Variants in HERC1 observed in about 807,000 individuals in gnomAD.
The protein encoded by HERC1 is HECT and RLD domain containing E3 ubiquitin protein ligase family member 1.
HERC1 carries 160 observed loss-of-function variants against 554.3 expected under a neutral mutation model. The ratio of observed to expected loss-of-function variants is 0.29; its 90% confidence interval spans 0.25 to 0.33. The LOEUF is 0.33. Among genes scored for constraint, HERC1 ranks in the 10% least tolerant of loss-of-function variants. The pLI, the probability that HERC1 is intolerant of heterozygous loss-of-function variation, is 1.00. For missense variants in HERC1, 4,919 were observed against 5,918.5 expected (o/e 0.83, Z 5.54); for synonymous variants, 2,175 against 2,131.7 (o/e 1.02, Z -0.56).
Position 63,775,200 on chromosome 15 carries a change from C to G in HERC1, c.424G>C (p.Asp142His). The G allele has an allele frequency of 1.2e-6, 2 of 1,614,050 alleles. No homozygotes were observed. The highest frequency in any genetic ancestry group is 1.7e-6 in the Non-Finnish European group (2 of 1,179,892). The part of the protein sequence containing the change: ...HSPESSSGSA[D>H]VHSVSERPRS... ...GGGCGTTCACTAACAGAATGGACAT[C>G]TGCTGAACCAGAACTGCTCTCCGGA... Residue 142 changes from aspartate (D) to histidine (H), a missense_variant, in exon 2 of 78, where the codon GAT becomes CAT. Coordinates refer to ENST00000443617, the MANE Select transcript of HERC1 (RefSeq NM_003922.4). The surrounding 1 kb of genome is among the most constrained non-coding windows in gnomAD (Gnocchi z 4.0).
chr15:63,821,890 A>G lies in HERC1; in HGVS notation c.-27+11937T>C, dbSNP rs1027386278. Among the ~76,000 whole-genome samples the G allele has an allele frequency of 2.0e-5, 3 of 152,162 alleles. 1 individual carries two copies. The South Asian group carries it at 6.2e-4, about 32-fold the overall frequency. Reference sequence around the variant, plus strand: ...AGGTTCCTGCTTTCATGGAGTTTACATTCTAGTAAGGAAGACAAATAATAA... The same window carrying G: ...AGGTTCCTGCTTTCATGGAGTTTACGTTCTAGTAAGGAAGACAAATAATAA... On this transcript the variant is annotated intron_variant, in intron 1 of 77. Coordinates refer to ENST00000443617, the MANE Select transcript of HERC1 (RefSeq NM_003922.4).
chr15:63,616,487 A>G lies in HERC1; in HGVS notation c.13884T>C (p.Thr4628=), dbSNP rs986417837. 6.2e-6 allele frequency: 10 copies of G among 1,613,954 alleles called. No individual in the cohort carries two copies. Among genetic ancestry groups the G allele is most frequent in the Non-Finnish European group, 8.5e-6 (10 of 1,179,842 alleles). The change falls in exon 75 of 78, where the codon ACT becomes ACC. Residue 4628 remains threonine, a synonymous_variant. Transcript: ENST00000443617. ...LEEVDLLYVQ[T]LNSILHIEDS... ...CTTCAATGTGAAGAATGCTGTTGAG[A>G]GTCTGCACGTAGAGCAGATCCACCT...
intron 48 of HERC1, 124 bp from the exon 49 acceptor site, chr15:63,656,482 A>C: frequency 1.2e-6 from 1 of 845,254 alleles, no homozygotes; most frequent in Non-Finnish European, 1.8e-6. Context: ...CACTATCATT[A>C]GCCATACATG....
Position 63,692,408 on chromosome 15 carries a change from T to C in HERC1, c.5830+3A>G. 6.3e-7 allele frequency: 1 copy of C among 1,596,930 alleles called. No homozygotes were observed. The highest frequency in any genetic ancestry group is 8.5e-7 in the Non-Finnish European group (1 of 1,174,736). ...CTCTAAGACAAAGGCAAAGGACATG[T>C]ACCTGAAGAACATTTCTGAGATGCT... On this transcript the variant is annotated splice_donor_region_variant and intron_variant, in intron 31 of 77. Transcript: ENST00000443617. The surrounding 1 kb of genome is among the most constrained non-coding windows in gnomAD (Gnocchi z 4.7).
chr15:63,783,563 C>T (rs571081988), intron 1 of HERC1, among the ~76,000 whole-genome samples: 9 of 152,090 alleles, frequency 5.9e-5, no homozygotes, highest in Non-Finnish European at 1.0e-4. Context: ...ATGACATTGG[C>T]TTTATTGTGA....
chr15:63,704,873 G>A (rs750342607), intron 25 of HERC1, among the ~76,000 whole-genome samples: 1 of 151,406 alleles, frequency 6.6e-6, no homozygotes, highest in African/African-American at 2.4e-5. Context: ...CGAATAGCCA[G>A]GACTACAGGC....
chr15:63,755,466 G>T, intron 5 of HERC1, 141 bp from the exon 6 acceptor site: 1 of 690,658 alleles, frequency 1.4e-6, no homozygotes, highest in Non-Finnish European at 2.5e-6. Context: ...TGGAGGCTGT[G>T]TTCAGGCCAA....
intron 39 of HERC1, among the ~76,000 whole-genome samples, chr15:63,672,051 C>T (rs1401991558): frequency 6.6e-6 from 1 of 152,076 alleles, no homozygotes; most frequent in African/African-American, 2.4e-5. Flanking sequence ...GTTTGAAAAG[C>T]AGACTTGCTC....
intron 69 of HERC1, among the ~76,000 whole-genome samples, chr15:63,629,115 A>C (rs1403106851): frequency 6.6e-6 from 1 of 151,934 alleles, no homozygotes; most frequent in East Asian, 1.9e-4. Context: ...ACACCTGGCT[A>C]ATTTTTGTAT....
intron 70 of HERC1, among the ~76,000 whole-genome samples, chr15:63,626,939 C>T (rs535470724): frequency 2.6e-5 from 4 of 152,270 alleles, no homozygotes; most frequent in African/African-American, 7.2e-5. Flanking sequence ...CTATTATTAT[C>T]CTCATTTTAC....
At chr15:63,765,122 T>C (rs999930287) in intron 2 of HERC1, among the ~76,000 whole-genome samples, 2 of 152,206 alleles carry the variant, frequency 1.3e-5, no homozygotes, top group Non-Finnish European at 2.9e-5. Flanking sequence ...AATATCCTCA[T>C]AGGTAACTAC....
intron 1 of HERC1, among the ~76,000 whole-genome samples, chr15:63,814,023 C>T (rs1016592516): frequency 1.3e-5 from 2 of 152,120 alleles, no homozygotes; most frequent in African/African-American, 4.8e-5. Flanking sequence ...CGCACCATTG[C>T]ACTCCAGCCT....
Position 63,803,120 on chromosome 15 carries a change from G to A in HERC1, c.-26-27471C>T, listed in dbSNP as rs115150012. Among the ~76,000 whole-genome samples, 712 of 152,246 alleles carry A rather than the reference G, an allele frequency of 4.7e-3. 9 individuals carry two copies. Among genetic ancestry groups the A allele is most frequent in the African/African-American group, 0.016 (683 of 41,532 alleles). ...CTTGGGAGGCTGAGATGGGAGGATC[G>A]CTTAAGCCTACGAGGCTGCAGTGAG... On this transcript the variant is annotated intron_variant, in intron 1 of 77. Transcript: ENST00000443617.
chr15:63,812,992 G>C (rs781346012), intron 1 of HERC1, among the ~76,000 whole-genome samples: 10 of 152,016 alleles, frequency 6.6e-5, no homozygotes, highest in Non-Finnish European at 1.3e-4. Context: ...ATTTTAAGTG[G>C]AAAGAGTAAG....
chr15:63,668,447 C>T (rs2070747342), intron 40 of HERC1, among the ~76,000 whole-genome samples: 1 of 152,166 alleles, frequency 6.6e-6, no homozygotes, highest in Non-Finnish European at 1.5e-5. Context: ...GACCCAAGGT[C>T]ACTCCAGCCC....
At chr15:63,686,100 C>T (rs1373852417) in intron 34 of HERC1, among the ~76,000 whole-genome samples, 1 of 152,010 alleles carries the variant, frequency 6.6e-6, no homozygotes, top group Non-Finnish European at 1.5e-5. Context: ...CTGTGTGACT[C>T]CTTATGGGAG....
At position 63,662,020 on chromosome 15, in the gene HERC1, T is replaced by C. The variant is rs745591417; in HGVS notation, c.8903A>G (p.His2968Arg). 1 of 1,609,570 alleles carries C rather than the reference T, an allele frequency of 6.2e-7. No homozygotes were observed. The highest frequency in any genetic ancestry group is 1.1e-5 in the South Asian group (1 of 91,030). ...TTCCCTGTCTTCAGACTCACAAACA[T>C]GCTGCACAAAAGGATTTCATACCAA... Reference protein sequence around the residue: ...IPEVLDWPTWHVCESEDREEV... With the variant: ...IPEVLDWPTWRVCESEDREEV... Residue 2968 changes from histidine (H) to arginine (R), a missense_variant and splice_region_variant, in exon 45 of 78, where the codon CAT becomes CGT. Around this residue, in one of 11 missense-constraint regions of HERC1, gnomAD observed 1,963 missense variants for 2,228.6 expected, o/e 0.88. Coordinates refer to ENST00000443617, the MANE Select transcript of HERC1 (RefSeq NM_003922.4).
chr15:63,745,345 C>T (rs2075017363), intron 12 of HERC1, among the ~76,000 whole-genome samples: 1 of 152,166 alleles, frequency 6.6e-6, no homozygotes, highest in African/African-American at 2.4e-5. Context: ...AGTTGCAGTC[C>T]TTTTGGCCTA....
At chr15:63,794,717 T>G (rs1425175788) in intron 1 of HERC1, among the ~76,000 whole-genome samples, 1 of 152,080 alleles carries the variant, frequency 6.6e-6, no homozygotes, top group East Asian at 1.9e-4. Flanking sequence ...ATGCCACTCT[T>G]TCATCTTAGA....
Sources: gnomAD v4.1 joint callset for allele counts (sites outside exome capture counted in the v4.1 genomes callset) on GRCh38, gnomAD v4.1.1 for gene constraint, gnomAD v4.1.1 regional missense constraint, Gnocchi (gnomAD v3.1) non-coding constraint, MANE v1.5 for transcripts, NCBI Gene and HGNC (gene_info 2026-07-23, HGNC 2026-07-21) for gene names.